The following NXPH1 variants were observed in gnomAD, a reference collection of about 807,000 sequenced individuals.
NXPH1 encodes the protein neurexophilin 1.
Under a neutral mutation model 23.7 loss-of-function variants are expected in NXPH1, and 5 were observed. That is an observed-to-expected ratio of 0.21 (90% CI 0.11 to 0.44). NXPH1 has a LOEUF of 0.44. Ranked by LOEUF, NXPH1 falls within the 20% of genes least tolerant of loss-of-function variation. The pLI, the probability that NXPH1 is intolerant of heterozygous loss-of-function variation, is 0.99. For missense variants in NXPH1, 324 were observed against 321.6 expected (o/e 1.01, Z -0.06); for synonymous variants, 144 against 122.2 (o/e 1.18, Z -1.18).
intron 2 of NXPH1, among the ~76,000 whole-genome samples, chr7:8,677,930 T>G (rs1820979205): frequency 6.6e-6 from 1 of 151,940 alleles, no homozygotes; most frequent in Non-Finnish European, 1.5e-5. Context: ...TTTACATATA[T>G]ATAAACATAC....
At chr7:8,511,945 T>C (rs910420011) in intron 2 of NXPH1, among the ~76,000 whole-genome samples, 3 of 152,124 alleles carry the variant, frequency 2.0e-5, no homozygotes, top group African/African-American at 7.2e-5. Context: ...CAGGAATGGA[T>C]GACCCTGCCC....
chr7:8,496,243 C>T (rs530858443), intron 2 of NXPH1, among the ~76,000 whole-genome samples: 2 of 152,112 alleles, frequency 1.3e-5, no homozygotes, highest in Middle Eastern at 3.4e-3. Flanking sequence ...CACAAGACCC[C>T]TTCACCAATC....
intron 2 of NXPH1, among the ~76,000 whole-genome samples, chr7:8,711,353 A>G (rs1779792274): frequency 6.6e-6 from 1 of 152,120 alleles, no homozygotes; most frequent in Non-Finnish European, 1.5e-5. Context: ...TTTGATGTAA[A>G]ATAGTATATT....
chr7:8,694,044 C>A (rs1370314178), intron 2 of NXPH1, among the ~76,000 whole-genome samples: 2 of 152,088 alleles, frequency 1.3e-5, no homozygotes, highest in Admixed American at 1.3e-4. Context: ...TTTTCTGAAA[C>A]AAAGCAGTAT....
chr7:8,673,479 G>T (rs1820900000), intron 2 of NXPH1, among the ~76,000 whole-genome samples: 1 of 152,120 alleles, frequency 6.6e-6, no homozygotes, highest in African/African-American at 2.4e-5. Context: ...GTTGGTGAAA[G>T]CATGTGATAT....
chr7:8,674,762 C>A (rs1033662145), intron 2 of NXPH1, among the ~76,000 whole-genome samples: 10 of 152,252 alleles, frequency 6.6e-5, no homozygotes, highest in African/African-American at 2.4e-4. Context: ...TGATAGCCAG[C>A]AGCATGCACC....
At chr7:8,513,047 G>A (rs1195564021) in intron 2 of NXPH1, among the ~76,000 whole-genome samples, 2 of 152,060 alleles carry the variant, frequency 1.3e-5, no homozygotes, top group African/African-American at 4.8e-5. Context: ...TTCTGAGTGT[G>A]TACAGAGTCA....
chr7:8,593,467 A>G (rs986183907), intron 2 of NXPH1, among the ~76,000 whole-genome samples: 6 of 152,058 alleles, frequency 3.9e-5, no homozygotes, highest in Admixed American at 2.6e-4. Flanking sequence ...TTGTAAAACA[A>G]AAAAGTTGAT....
At chr7:8,701,224 C>T (rs980700828) in intron 2 of NXPH1, among the ~76,000 whole-genome samples, 4 of 152,024 alleles carry the variant, frequency 2.6e-5, no homozygotes, top group Non-Finnish European at 4.4e-5. Context: ...AAATGTAATT[C>T]TATAATGGTA....
intron 2 of NXPH1, among the ~76,000 whole-genome samples, chr7:8,574,688 G>A (rs137901739): frequency 0.011 from 1,681 of 152,200 alleles, 16 homozygotes; most frequent in South Asian, 0.051. Flanking sequence ...AACATTGAAG[G>A]TTCTGTGTTT....
At chr7:8,555,071 T>A (rs1345261984) in intron 2 of NXPH1, among the ~76,000 whole-genome samples, 1 of 151,538 alleles carries the variant, frequency 6.6e-6, no homozygotes, top group Non-Finnish European at 1.5e-5. Context: ...TCTGAAAAAG[T>A]GTAGGTCCTC....
At chr7:8,711,849 T>G (rs866989845) in intron 2 of NXPH1, among the ~76,000 whole-genome samples, 8 of 152,178 alleles carry the variant, frequency 5.3e-5, no homozygotes, top group Admixed American at 3.3e-4. Flanking sequence ...AAAGCCATTG[T>G]TGAAAGCAAA....
At chr7:8,632,614 T>C (rs1820153165) in intron 2 of NXPH1, among the ~76,000 whole-genome samples, 2 of 152,318 alleles carry the variant, frequency 1.3e-5, no homozygotes, top group South Asian at 4.1e-4. Flanking sequence ...CTTATCGCCT[T>C]ATGATTCTTC....
intron 2 of NXPH1, among the ~76,000 whole-genome samples, chr7:8,547,542 G>A (rs1818216239): frequency 6.6e-6 from 1 of 151,332 alleles, no homozygotes; most frequent in Non-Finnish European, 1.5e-5. Flanking sequence ...TTTGTTTCAT[G>A]GGTATATTGC....
intron 2 of NXPH1, among the ~76,000 whole-genome samples, chr7:8,558,664 A>C (rs1035450709): frequency 1.6e-4 from 24 of 151,570 alleles, no homozygotes; most frequent in African/African-American, 5.6e-4. Context: ...TATGAGCCCA[A>C]CCTTTTCCTT....
intron 2 of NXPH1, among the ~76,000 whole-genome samples, chr7:8,581,924 C>A (rs892896224): frequency 6.6e-6 from 1 of 152,148 alleles, no homozygotes; most frequent in African/African-American, 2.4e-5. Context: ...GCCCCTGCTG[C>A]CTCTGCTTGT....
At chr7:8,450,108 C>T (rs991282377) in intron 2 of NXPH1, among the ~76,000 whole-genome samples, 2 of 152,198 alleles carry the variant, frequency 1.3e-5, no homozygotes, top group Non-Finnish European at 2.9e-5. Context: ...AAAAATGATA[C>T]ATAACATCTG....
At chr7:8,699,471 T>C (rs1174748568) in intron 2 of NXPH1, among the ~76,000 whole-genome samples, 1 of 152,122 alleles carries the variant, frequency 6.6e-6, no homozygotes, top group African/African-American at 2.4e-5. Flanking sequence ...TGCAGAAGAA[T>C]AGCTAAGAAG....
At chr7:8,581,153 G>T (rs1207511969) in intron 2 of NXPH1, among the ~76,000 whole-genome samples, 1 of 152,184 alleles carries the variant, frequency 6.6e-6, no homozygotes, top group Non-Finnish European at 1.5e-5. Flanking sequence ...GGATGGAAGA[G>T]AAAGCCATTC....
Sources: allele counts gnomAD v4.1 joint callset (sites outside exome capture counted in the v4.1 genomes callset), GRCh38; gene constraint gnomAD v4.1.1; transcripts MANE v1.5; gene names NCBI Gene and HGNC (gene_info 2026-07-23, HGNC 2026-07-21).